TAF1: variants seen among roughly 807,000 people sequenced by gnomAD.
TAF1 encodes the protein TATA-box binding protein associated factor 1.
Under a neutral mutation model 138.5 loss-of-function variants are expected in TAF1, and 2 were observed. The observed-to-expected ratio is 0.01, with a 90% CI of 0.01 to 0.05. TAF1 has a LOEUF of 0.05. TAF1 is among the 10% of genes least tolerant of loss of function. TAF1 has a pLI of 1.00. For missense variants in TAF1, 709 were observed against 1,478.0 expected, an observed-to-expected ratio of 0.48 and a Z score of 8.53; for synonymous variants, 437 against 503.2, an observed-to-expected ratio of 0.87 and a Z score of 1.76.
intron 32 of TAF1, among the ~76,000 whole-genome samples, chrX:71,453,030 C>T (rs187044124): frequency 2.3e-4 from 25 of 110,574 alleles, no homozygotes; most frequent in Non-Finnish European, 3.8e-4. Flanking sequence ...AGCTTCGGCT[C>T]GGCATCAGAG....
At chrX:71,370,944 C>A (rs2148162109) in intron 3 of TAF1, among the ~76,000 whole-genome samples, 1 of 111,835 alleles carries the variant, frequency 8.9e-6, no homozygotes, top group East Asian at 2.8e-4. Flanking sequence ...TAAGACAAAC[C>A]ACCTATGAGA....
At chrX:71,455,049 C>T in intron 34 of TAF1, 192 bp downstream of exon 34, 1 of 1,155,639 alleles carries the variant, frequency 8.7e-7, no homozygotes, top group Non-Finnish European at 1.1e-6. Flanking sequence ...GCCTTGAATC[C>T]AGAAAAGGCA....
At chrX:71,420,808 G>C (rs1455372295) in intron 28 of TAF1, among the ~76,000 whole-genome samples, 1 of 112,482 alleles carries the variant, frequency 8.9e-6, no homozygotes, top group Non-Finnish European at 1.9e-5. Context: ...GCTCCGGCTC[G>C]GGGTCCAGCG....
At chrX:71,442,576 G>A (rs1020476489) in intron 32 of TAF1, among the ~76,000 whole-genome samples, 9 of 111,585 alleles carry the variant, frequency 8.1e-5, no homozygotes, top group African/African-American at 2.3e-4. Flanking sequence ...TTGTCAGATG[G>A]GTAGATTGCA....
intron 30 of TAF1, among the ~76,000 whole-genome samples, chrX:71,423,485 T>C (rs1453280814): frequency 4.5e-5 from 5 of 111,244 alleles, no homozygotes; most frequent in Admixed American, 9.6e-5. Flanking sequence ...TGCTTCCTGT[T>C]GTTGACATTC....
chrX:71,377,255 T>G (rs2033542694), intron 5 of TAF1, 64 bp downstream of exon 5: 5 of 1,186,116 alleles, frequency 4.2e-6, no homozygotes, highest in Non-Finnish European at 5.7e-6. Context: ...TGAGTTTTGT[T>G]GTTAAGATGC....
rs1266106614 is a variant in TAF1 at position 71,465,159 on chromosome X, T to G, written c.*1113T>G. 1 of 111,798 alleles carries G rather than the reference T, an allele frequency of 8.9e-6. No homozygotes were observed. The highest frequency in any genetic ancestry group is 1.9e-5 in the Non-Finnish European group (1 of 53,254). The allele number at this position is 111,798 out of a possible 1,213,427, so 9.2% of individuals were successfully genotyped here. Reference sequence around the variant, plus strand: ...TCTGCTTTTCATGATAAGCACTCTATCAGATCCTTGGGATGCAAAGGTAAA... The same window carrying G: ...TCTGCTTTTCATGATAAGCACTCTAGCAGATCCTTGGGATGCAAAGGTAAA... On this transcript the variant is annotated 3_prime_UTR_variant, in exon 38 of 38. Transcript: ENST00000423759.
In TAF1 at chrX:71,367,385, A is replaced by G. The variant is rs1232535601; in HGVS notation, c.121-114A>G. The G allele has an allele frequency of 6.7e-6, 6 of 896,090 alleles. No individual in the cohort carries two copies. In the African/African-American group the frequency reaches 8.0e-5, roughly 12 times the overall value. The allele number at this position is 896,090 out of a possible 1,213,427, so 73.8% of individuals were successfully genotyped here. A position where few individuals can be genotyped will look rare whatever the true frequency, so the allele number is the denominator to read the frequency against. On this transcript the variant is annotated intron_variant, in intron 1 of 37. Coordinates refer to ENST00000423759, the MANE Select transcript of TAF1 (RefSeq NM_004606.5). ...CGTGTTGCTTGTTTTGGCACACTGCACAGTCATTTTTCATGTGGATTTGTG... is the reference window on the plus strand; with the variant it reads ...CGTGTTGCTTGTTTTGGCACACTGCGCAGTCATTTTTCATGTGGATTTGTG...
At chrX:71,443,900 G>A (rs937257078) in intron 32 of TAF1, among the ~76,000 whole-genome samples, 3 of 111,267 alleles carry the variant, frequency 2.7e-5, no homozygotes, top group Non-Finnish European at 3.8e-5. Context: ...TAGTAGAGAC[G>A]GGGTTTCACC....
At chrX:71,485,064 T>C (rs774096018) in intron 13 of TAF1, 1 of 112,032 alleles carries the variant, frequency 8.9e-6, no homozygotes, top group African/African-American at 3.2e-5. Flanking sequence ...AACCTTGACA[T>C]GAATTCAGTC....
intron 32 of TAF1, among the ~76,000 whole-genome samples, chrX:71,427,494 C>T (rs2036648546): frequency 9.0e-6 from 1 of 111,684 alleles, no homozygotes; most frequent in African/African-American, 3.3e-5. Flanking sequence ...GGACATAGGG[C>T]AGACTTAACA....
At chrX:71,366,557 G>T in intron 1 of TAF1, 63 bp downstream of exon 1, 1 of 1,045,548 alleles carries the variant, frequency 9.6e-7, no homozygotes, top group Non-Finnish European at 1.3e-6. Context: ...AGGAGGTGCG[G>T]GGAGGAAAGG....
At chrX:71,450,828 G>A (rs181618584) in intron 32 of TAF1, among the ~76,000 whole-genome samples, 115 of 112,412 alleles carry the variant, frequency 1.0e-3, no homozygotes, top group African/African-American at 3.5e-3. Context: ...AACATTTTAA[G>A]TATTTAAGGC....
chrX:71,487,911 G>A (rs2039202500), intron 13 of TAF1, among the ~76,000 whole-genome samples: 2 of 111,886 alleles, frequency 1.8e-5, no homozygotes, highest in South Asian at 7.4e-4. Context: ...TACCTTGTTA[G>A]GTGCTGGGTA....
intron 32 of TAF1, among the ~76,000 whole-genome samples, chrX:71,447,730 T>C (rs919760783): frequency 9.1e-6 from 1 of 110,030 alleles, no homozygotes; most frequent in African/African-American, 3.3e-5. Context: ...AATGCTTGCT[T>C]TCCCCCCTTA....
rs1347815618 is a variant in TAF1, at chrX:71,519,187, T to C, written c.1367-9355T>C. 6.5e-5 allele frequency among the ~76,000 whole-genome samples: 7 copies of C among 106,932 alleles called. No individual in the cohort carries two copies. The Admixed American group carries it at 7.1e-4, about 11-fold the overall frequency. 92.9% of individuals were successfully genotyped at this position (106,932 alleles called of 115,157 possible). On this transcript the variant is annotated intron_variant and NMD_transcript_variant, in intron 13 of 14. Coordinates refer to the TAF1 transcript ENST00000373775. ...AATACAAAAAATCAGCCAGGCGTGG[T>C]GGCGGGTGCCTGTGGTCCCAGCTGC... is the stretch of plus-strand genomic sequence containing the variant.
chrX:71,492,768 C>T (rs924037566), intron 13 of TAF1: 21 of 113,881 alleles, frequency 1.8e-4, no homozygotes, highest in African/African-American at 6.8e-4. Flanking sequence ...AGGAAAGTCT[C>T]CGTGCCGCAA....
At chrX:71,432,169 T>C (rs909393852) in intron 32 of TAF1, among the ~76,000 whole-genome samples, 1 of 109,802 alleles carries the variant, frequency 9.1e-6, no homozygotes, top group Non-Finnish European at 1.9e-5. Flanking sequence ...TGAGAGTTGA[T>C]TGTGAAGGGA....
chrX:71,524,784 T>C (rs1225146219), intron 13 of TAF1, among the ~76,000 whole-genome samples: 1 of 108,393 alleles, frequency 9.2e-6, no homozygotes, highest in Non-Finnish European at 1.9e-5. Flanking sequence ...CTACTAAAAA[T>C]ACAAAAATCA....
Sources: gnomAD v4.1 joint callset for allele counts (sites outside exome capture counted in the v4.1 genomes callset) on GRCh38, gnomAD v4.1.1 for gene constraint, MANE v1.5 for transcripts, NCBI Gene and HGNC (gene_info 2026-07-23, HGNC 2026-07-21) for gene names.